The following AFAP1L2 variants were observed in gnomAD, a reference collection of about 807,000 sequenced individuals.
The protein encoded by AFAP1L2 is actin filament-associated protein 1-like 2.
A neutral mutation model predicts 99.3 loss-of-function variants in AFAP1L2; 46 were observed. The ratio of observed to expected loss-of-function variants is 0.46; its 90% CI spans 0.37 to 0.59. AFAP1L2 has a LOEUF of 0.59. Among genes scored for constraint, AFAP1L2 ranks in the 20% least tolerant of loss-of-function variants. The pLI is 0.00. For synonymous variants in AFAP1L2, 397 were observed against 419.1 expected, an observed-to-expected ratio of 0.95 and a Z score of 0.64; for missense variants, 959 against 1,034.9, an observed-to-expected ratio of 0.93 and a Z score of 1.01.
At chr10:114,317,077 C>T (rs554010491) in intron 5 of AFAP1L2, among the ~76,000 whole-genome samples, 123 of 152,280 alleles carry the variant, frequency 8.1e-4, no homozygotes, top group African/African-American at 2.9e-3. Context: ...CCCATAGACC[C>T]GTAAGTCTTG....
At position 114,296,049 on chromosome 10, in the gene AFAP1L2, G is replaced by A; in HGVS notation, c.2450C>T (p.Ala817Val). ...QKAKEWEKKG[A>V]S ...TTAGATGAAGCTTGTTTTCTAACTT[G>A]CTCCTTTCTTCTCCCATTCCTAGGG... The change falls in exon 19 of 19, where the codon GCA (alanine) becomes GTA (valine). Residue 817 changes from alanine to valine, a missense_variant. By Grantham distance (64) the Ala-to-Val change is moderately conservative. Around this residue, in one of 2 missense-constraint regions of AFAP1L2, gnomAD observed 576 missense variants for 562.1 expected, o/e 1.02. Coordinates refer to ENST00000304129, the MANE Select transcript of AFAP1L2 (RefSeq NM_001001936.3). The A allele has an allele frequency of 1.9e-6, 3 of 1,614,062 alleles. No individual in the cohort carries two copies. The highest frequency in any genetic ancestry group is 2.5e-6 in the Non-Finnish European group (3 of 1,179,974).
At chr10:114,370,842 C>A (rs188508242) in intron 1 of AFAP1L2, among the ~76,000 whole-genome samples, 3 of 152,264 alleles carry the variant, frequency 2.0e-5, no homozygotes, top group African/African-American at 7.2e-5. Flanking sequence ...TATGGTTATC[C>A]ACTTCCACTA....
chr10:114,304,676 C>A, intron 11 of AFAP1L2, 43 bp downstream of exon 11: 1 of 1,522,072 alleles, frequency 6.6e-7, no homozygotes, highest in Non-Finnish European at 8.9e-7. Context: ...GCCACCACCG[C>A]CACACCCTGG....
upstream of AFAP1L2, chr10:114,404,792 G>A (rs773923464): frequency 2.4e-3 from 660 of 270,958 alleles, 3 homozygotes; most frequent in Non-Finnish European, 3.4e-3. Context: ...CGTCGAGAGG[G>A]AACGAGACTG....
At chr10:114,284,998 G>A in the AFAP1L2 span, 1 of 1,518,698 alleles carries the variant, frequency 6.6e-7, no homozygotes, top group Middle Eastern at 1.8e-4. Flanking sequence ...CTGCAAGACT[G>A]ACCACTGGGG....
At chr10:114,289,253 G>A in the AFAP1L2 span, 38 of 1,613,980 alleles carry the variant, frequency 2.4e-5, no homozygotes, top group East Asian at 4.5e-5. Flanking sequence ...AGGGGTGCCC[G>A]GCCTGGTGTC....
Position 114,295,647 on chromosome 10 carries a change from C to G in AFAP1L2, c.*395G>C, listed in dbSNP as rs145394167. 3.5e-4 allele frequency: 356 copies of G among 1,007,450 alleles called. No homozygotes were observed. The highest frequency in any genetic ancestry group is 1.2e-3 in the South Asian group (28 of 23,200). The allele number at this position is 1,007,450 out of a possible 1,614,324, so 62.4% of individuals were successfully genotyped here. A position where few individuals can be genotyped will look rare whatever the true frequency, so the allele number is the denominator to read the frequency against. On this transcript the variant is annotated 3_prime_UTR_variant, in exon 19 of 19. Coordinates refer to ENST00000304129, the MANE Select transcript of AFAP1L2 (RefSeq NM_001001936.3). ...GGCCAGGAGTTTAGGTCTTCTCACT[C>G]ACCAAAGACACGTGACCCATAAGAC...
chr10:114,368,203 A>G (rs534394), intron 1 of AFAP1L2, among the ~76,000 whole-genome samples: 151,428 of 152,336 alleles, frequency 0.99, 75,268 homozygotes, highest in Non-Finnish European at 1. Flanking sequence ...AAAATAAGCC[A>G]AATACCGCAT....
intron 1 of AFAP1L2, among the ~76,000 whole-genome samples, chr10:114,391,834 ATGACTG>A (rs1167369359): frequency 1.3e-5 from 2 of 152,190 alleles, no homozygotes; most frequent in African/African-American, 4.8e-5. Flanking sequence ...GGAGCCCGGT[ATGACTG>A]TGGCATAGAG....
intron 1 of AFAP1L2, among the ~76,000 whole-genome samples, chr10:114,360,547 A>AGATAGATAGGTAGAT (rs2052213009): frequency 6.6e-6 from 1 of 151,874 alleles, no homozygotes; most frequent in African/African-American, 2.4e-5. Context: ...ATAGATAGAT[A>AGATAGATAGGTAGAT]GATAGATAGA....
At chr10:114,325,538 C>G (rs1325761560) in intron 4 of AFAP1L2, among the ~76,000 whole-genome samples, 1 of 152,188 alleles carries the variant, frequency 6.6e-6, no homozygotes, top group Non-Finnish European at 1.5e-5. Flanking sequence ...ATGTGGCACC[C>G]CCTACAAAGA....
chr10:114,316,150 T>C (rs17091590), intron 5 of AFAP1L2, among the ~76,000 whole-genome samples: 4,340 of 152,274 alleles, frequency 0.029, 187 homozygotes, highest in African/African-American at 0.094. Context: ...AAATGAAAGA[T>C]GAAAGGCGTG....
intron 1 of AFAP1L2, among the ~76,000 whole-genome samples, chr10:114,386,926 G>A (rs2056574379): frequency 6.6e-6 from 1 of 152,240 alleles, no homozygotes; most frequent in African/African-American, 2.4e-5. Context: ...TCCATTCCCT[G>A]CAGGACTGGA....
At chr10:114,393,917 G>A (rs149702014) in intron 1 of AFAP1L2, among the ~76,000 whole-genome samples, 296 of 152,332 alleles carry the variant, frequency 1.9e-3, no homozygotes, top group African/African-American at 6.7e-3. Flanking sequence ...CCAAACAATG[G>A]ACACATTCTC....
At chr10:114,327,967 G>A (rs953936518) in intron 4 of AFAP1L2, among the ~76,000 whole-genome samples, 1 of 152,246 alleles carries the variant, frequency 6.6e-6, no homozygotes, top group Admixed American at 6.5e-5. Flanking sequence ...GGATTAAGTG[G>A]TTTCCCCCAC....
intron 1 of AFAP1L2, among the ~76,000 whole-genome samples, chr10:114,385,557 C>A (rs921362341): frequency 1.1e-4 from 16 of 152,170 alleles, no homozygotes; most frequent in Non-Finnish European, 1.0e-4. Flanking sequence ...TGGGCTTTTG[C>A]TGGGGTTACC....
At chr10:114,313,618 G>T (rs1352943784) in intron 7 of AFAP1L2, among the ~76,000 whole-genome samples, 3 of 152,270 alleles carry the variant, frequency 2.0e-5, no homozygotes, top group Middle Eastern at 6.8e-3. Context: ...GGAGGAGGGG[G>T]ATGCCTCACT....
At chr10:114,350,668 C>T (rs1178959032) in intron 1 of AFAP1L2, among the ~76,000 whole-genome samples, 1 of 152,130 alleles carries the variant, frequency 6.6e-6, no homozygotes, top group Non-Finnish European at 1.5e-5. Context: ...AGCTGATGGG[C>T]TGGAAGGACA....
chr10:114,295,919 G>A lies in AFAP1L2; in HGVS notation c.*123C>T, dbSNP rs1001764825. 3.8e-6 allele frequency: 6 copies of A among 1,585,208 alleles called. No individual in the cohort carries two copies. The African/African-American group carries it at 6.7e-5, about 18-fold the overall frequency. On this transcript the variant is annotated 3_prime_UTR_variant, in exon 19 of 19. Transcript: ENST00000304129. ...TCTTAGCTGAAGCTCTCCATTCACA[G>A]TACCTCAGTCTTTGCTTTTTCTTCT... is the stretch of plus-strand genomic sequence containing the variant.
Sources: allele counts gnomAD v4.1 joint callset (sites outside exome capture counted in the v4.1 genomes callset), GRCh38; gene constraint gnomAD v4.1.1; regional missense constraint gnomAD v4.1.1; transcripts MANE v1.5; gene names NCBI Gene and HGNC (gene_info 2026-07-23, HGNC 2026-07-21).